TUT4: variants seen among roughly 807,000 people sequenced by gnomAD.
TUT4 encodes the protein terminal uridylyl transferase 4, also known as terminal uridylyltransferase 4.
A neutral mutation model predicts 192.2 loss-of-function variants in TUT4; 36 were observed. That is an observed-to-expected ratio of 0.19 (90% CI 0.14 to 0.25). The LOEUF is 0.25. TUT4 is among the 10% of genes least tolerant of loss of function. The pLI, the probability that TUT4 is intolerant of heterozygous loss-of-function variation, is 1.00. For missense variants in TUT4, 1,493 were observed against 1,957.2 expected (o/e 0.76, Z 4.47); for synonymous variants, 618 against 666.0 (o/e 0.93, Z 1.11).
intron 1 of TUT4, among the ~76,000 whole-genome samples, chr1:52,550,056 C>T (rs1046828591): frequency 1.3e-5 from 2 of 152,010 alleles, no homozygotes; most frequent in African/African-American, 2.4e-5. Context: ...AAAGTCGGAA[C>T]CTGCTTTTTC....
chr1:52,444,932 T>TATGTATATACATGTATGTGTATATAC (rs1570342996), intron 24 of TUT4, among the ~76,000 whole-genome samples: 59 of 122,814 alleles, frequency 4.8e-4, no homozygotes, highest in Admixed American at 1.7e-3. Context: ...TGTGTATATA[T>TATGTATATACATGTATGTGTATATAC]ATGTATATAC....
chr1:52,445,547 A>C (rs922274860), intron 24 of TUT4, among the ~76,000 whole-genome samples: 7 of 152,196 alleles, frequency 4.6e-5, no homozygotes, highest in African/African-American at 1.7e-4. Flanking sequence ...TACAGACATG[A>C]ATCCTGTCTT....
intron 28 of TUT4, among the ~76,000 whole-genome samples, chr1:52,430,101 T>C (rs1353306559): frequency 1.3e-5 from 2 of 152,144 alleles, no homozygotes; most frequent in Non-Finnish European, 2.9e-5. Context: ...AGATGATAGA[T>C]GATTTATTTC....
Position 52,468,143 on chromosome 1 carries a change from C to T in TUT4, c.2965+38G>A, listed in dbSNP as rs372113409. The T allele has an allele frequency of 6.9e-5, 102 of 1,472,712 alleles. 2 individuals are homozygous for T. The highest frequency in any genetic ancestry group is 2.4e-4 in the South Asian group (20 of 84,168). 91.2% of individuals were successfully genotyped at this position (1,472,712 alleles called of 1,614,324 possible). ...AATGAAACTCAAGACTACATGACTA[C>T]AGCAAAAACGCAATAAATTTTTTAA... On this transcript the variant is annotated intron_variant, in intron 15 of 29. Coordinates refer to ENST00000257177, the MANE Select transcript of TUT4 (RefSeq NM_001009881.3).
At chr1:52,478,338 A>C (rs546813232) in intron 11 of TUT4, among the ~76,000 whole-genome samples, 1 of 152,334 alleles carries the variant, frequency 6.6e-6, no homozygotes, top group African/African-American at 2.4e-5. Context: ...ATATAAGTAA[A>C]TGCCCTGGCT....
intron 7 of TUT4, among the ~76,000 whole-genome samples, chr1:52,493,271 CG>C (rs1352144169): frequency 6.6e-6 from 1 of 152,026 alleles, no homozygotes; most frequent in African/African-American, 2.4e-5. Context: ...TTAGTAGAGA[CG>C]GGGTTTCAGC....
intron 14 of TUT4, among the ~76,000 whole-genome samples, chr1:52,470,021 C>G (rs1209176461): frequency 6.6e-6 from 1 of 151,970 alleles, no homozygotes; most frequent in Non-Finnish European, 1.5e-5. Context: ...CCAGTAACAG[C>G]AAGCACATCT....
chr1:52,527,291 T>C (rs1439984125), intron 1 of TUT4, among the ~76,000 whole-genome samples: 1 of 152,194 alleles, frequency 6.6e-6, no homozygotes, highest in East Asian at 1.9e-4. Flanking sequence ...CTCATGCCTG[T>C]AATCCCAACA....
At chr1:52,428,088 C>A (rs575326534) in intron 28 of TUT4, among the ~76,000 whole-genome samples, 1 of 152,208 alleles carries the variant, frequency 6.6e-6, no homozygotes, top group East Asian at 1.9e-4. Context: ...GGAAAAAAAA[C>A]AGAAGCAGCA....
intron 1 of TUT4, among the ~76,000 whole-genome samples, chr1:52,549,984 A>G (rs1489150851): frequency 3.3e-5 from 5 of 152,176 alleles, no homozygotes; most frequent in Non-Finnish European, 5.9e-5. Flanking sequence ...AAATCCTAAC[A>G]TTAATCTTTG....
At chr1:52,448,275 G>A (rs563020237) in intron 20 of TUT4, among the ~76,000 whole-genome samples, 47 of 152,152 alleles carry the variant, frequency 3.1e-4, no homozygotes, top group Middle Eastern at 3.4e-3. Flanking sequence ...CACATATTCC[G>A]ACATTTCATA....
chr1:52,531,033 C>T (rs1315555427), intron 1 of TUT4, among the ~76,000 whole-genome samples: 1 of 151,974 alleles, frequency 6.6e-6, no homozygotes, highest in Admixed American at 6.6e-5. Flanking sequence ...AGGCTCACTG[C>T]TTCCCCTGCA....
At chr1:52,521,753 C>T (rs900382412) in intron 2 of TUT4, among the ~76,000 whole-genome samples, 1 of 152,088 alleles carries the variant, frequency 6.6e-6, no homozygotes, top group Non-Finnish European at 1.5e-5. Flanking sequence ...ATCACAAGGT[C>T]AGGAGTTCAA....
chr1:52,528,326 A>T (rs1196189887), intron 1 of TUT4, among the ~76,000 whole-genome samples: 1 of 152,044 alleles, frequency 6.6e-6, no homozygotes, highest in Non-Finnish European at 1.5e-5. Context: ...CCCCATCTTT[A>T]CAAAGAAAAC....
chr1:52,470,714 A>G (rs185056995), intron 14 of TUT4, among the ~76,000 whole-genome samples: 2 of 152,354 alleles, frequency 1.3e-5, no homozygotes, highest in Admixed American at 1.3e-4. Context: ...ATCTATAGTG[A>G]CAAAAGCAGA....
At chr1:52,450,993 C>T (rs1051845063) in intron 20 of TUT4, among the ~76,000 whole-genome samples, 2 of 152,112 alleles carry the variant, frequency 1.3e-5, no homozygotes, top group Admixed American at 6.5e-5. Context: ...AGGCTGGGCG[C>T]GGTGGCACAC....
chr1:52,491,753 A>C (rs1218289163), intron 7 of TUT4, among the ~76,000 whole-genome samples: 1 of 152,104 alleles, frequency 6.6e-6, no homozygotes, highest in African/African-American at 2.4e-5. Flanking sequence ...TGTAATTCAA[A>C]GAAAATTTCT....
intron 2 of TUT4, among the ~76,000 whole-genome samples, chr1:52,516,390 T>TA (rs896856433): frequency 4.6e-5 from 7 of 152,136 alleles, no homozygotes; most frequent in Admixed American, 1.3e-4. Flanking sequence ...GTCAATCTGA[T>TA]AAAAAAACTG....
In TUT4 at chr1:52,553,049, G is replaced by A. The variant is rs1334680652; in HGVS notation, c.-212C>T. 6 of 155,316 alleles carry A rather than the reference G, an allele frequency of 3.9e-5. No individual in the cohort carries two copies. The highest frequency in any genetic ancestry group is 1.8e-4 in the South Asian group (1 of 5,536). The allele number at this position is 155,316 out of a possible 1,614,324, so 9.6% of individuals were successfully genotyped here. On this transcript the variant is annotated 5_prime_UTR_variant, in exon 1 of 30. Coordinates refer to ENST00000257177, the MANE Select transcript of TUT4 (RefSeq NM_001009881.3). ...CTGCCGCCGCTGGAGGCCGGGACAC[G>A]ACTAGCTCAGGACTCCACCGCCATG...
Sources: gnomAD v4.1 joint callset for allele counts (sites outside exome capture counted in the v4.1 genomes callset) on GRCh38, gnomAD v4.1.1 for gene constraint, MANE v1.5 for transcripts, NCBI Gene and HGNC (gene_info 2026-07-23, HGNC 2026-07-21) for gene names.